SLIT3: variants seen among roughly 807,000 people sequenced by gnomAD.
The protein encoded by SLIT3 is slit homolog 3 protein.
SLIT3 carries 68 observed loss-of-function variants against 184.0 expected under a neutral mutation model. The observed-to-expected ratio is 0.37, with a 90% CI of 0.30 to 0.45. The LOEUF is 0.45. Ranked by LOEUF, SLIT3 falls within the 20% of genes least tolerant of loss-of-function variation. The pLI is 1.00. For missense variants in SLIT3, 1,707 were observed against 2,026.0 expected, an observed-to-expected ratio of 0.84 and a Z score of 3.02; for synonymous variants, 831 against 828.6, an observed-to-expected ratio of 1.00 and a Z score of -0.05.
intron 4 of SLIT3, among the ~76,000 whole-genome samples, chr5:168,894,383 C>T (rs1452739760): frequency 6.6e-6 from 1 of 152,206 alleles, no homozygotes; most frequent in African/African-American, 2.4e-5. Context: ...AATAAGTGAA[C>T]ATGATTTTAT....
At chr5:168,728,277 C>CAT (rs3061738) in intron 20 of SLIT3, among the ~76,000 whole-genome samples, 14,426 of 140,724 alleles carry the variant, frequency 0.1, 835 homozygotes, top group African/African-American at 0.17. Flanking sequence ...TAATCAACAA[C>CAT]ATATATATAT....
intron 3 of SLIT3, among the ~76,000 whole-genome samples, chr5:169,220,623 C>A (rs1050694764): frequency 2.6e-5 from 4 of 152,178 alleles, no homozygotes; most frequent in African/African-American, 4.8e-5. Context: ...GAAAGGGGAA[C>A]CAGAAATTGG....
chr5:168,883,146 C>A (rs1760020057), intron 5 of SLIT3, 119 bp downstream of exon 5: 4 of 716,998 alleles, frequency 5.6e-6, no homozygotes, highest in African/African-American at 1.8e-5. Context: ...TCAAGCACAG[C>A]CCTCAATTTC....
intron 7 of SLIT3, among the ~76,000 whole-genome samples, chr5:168,818,545 G>A (rs1051196022): frequency 2.0e-5 from 3 of 152,198 alleles, no homozygotes; most frequent in Admixed American, 6.5e-5. Context: ...TTTTCATCAC[G>A]TCAGCTTGTC....
At chr5:168,788,391 G>A (rs78597355) in intron 11 of SLIT3, among the ~76,000 whole-genome samples, 9,304 of 152,186 alleles carry the variant, frequency 0.061, 937 homozygotes, top group African/African-American at 0.21. Context: ...CCAGGTGGGG[G>A]GAATATGTGC....
intron 5 of SLIT3, among the ~76,000 whole-genome samples, chr5:168,872,968 T>C (rs1445695666): frequency 2.0e-5 from 3 of 152,196 alleles, no homozygotes; most frequent in East Asian, 1.9e-4. Flanking sequence ...ACAATCTTGA[T>C]GGTCTTCTTG....
chr5:169,030,420 C>T (rs1025421428), intron 4 of SLIT3: 1 of 152,202 alleles, frequency 6.6e-6, no homozygotes, highest in Non-Finnish European at 1.5e-5. Flanking sequence ...GATTTTGTGA[C>T]CTACCAAACT....
At chr5:168,676,238 G>C (rs1177737749) in intron 32 of SLIT3, among the ~76,000 whole-genome samples, 3 of 152,036 alleles carry the variant, frequency 2.0e-5, no homozygotes, top group Non-Finnish European at 4.4e-5. Flanking sequence ...GTCTGCTATG[G>C]GCCACCTCGT....
chr5:169,241,364 T>A lies in SLIT3; in HGVS notation c.341+3341A>T, dbSNP rs558136555. On this transcript the variant is annotated intron_variant, in intron 3 of 35. Transcript: ENST00000519560. ...GATGGTATATGTAAAGTGCCTGACA[T>A]GCTATCTGACATATGATAAAGAGCA... 2.6e-5 allele frequency among the ~76,000 whole-genome samples: 4 copies of A among 152,318 alleles called. No homozygotes were observed. In the South Asian group the frequency reaches 8.3e-4, roughly 32 times the overall value.
intron 4 of SLIT3, among the ~76,000 whole-genome samples, chr5:169,031,961 A>G (rs1757040183): frequency 6.6e-6 from 1 of 152,180 alleles, no homozygotes; most frequent in South Asian, 2.1e-4. Context: ...AAGACTTAGA[A>G]GAGTAAGCAT....
At chr5:169,198,159 T>G (rs567558071) in intron 3 of SLIT3, among the ~76,000 whole-genome samples, 1 of 152,312 alleles carries the variant, frequency 6.6e-6, no homozygotes, top group East Asian at 1.9e-4. Context: ...CATACAAAAA[T>G]GAATAAGATA....
chr5:169,054,719 A>G (rs1757930055), intron 4 of SLIT3, among the ~76,000 whole-genome samples: 1 of 152,214 alleles, frequency 6.6e-6, no homozygotes, highest in Admixed American at 6.5e-5. Flanking sequence ...GGCATGCGGA[A>G]CGACGTCTGC....
chr5:169,006,208 C>G (rs1043711899), intron 4 of SLIT3, among the ~76,000 whole-genome samples: 6 of 152,228 alleles, frequency 3.9e-5, no homozygotes, highest in Non-Finnish European at 8.8e-5. Context: ...ACCAGCCTGG[C>G]CATCCTCTGA....
chr5:168,850,230 C>A (rs532362630), intron 5 of SLIT3, among the ~76,000 whole-genome samples: 3 of 152,210 alleles, frequency 2.0e-5, no homozygotes, highest in Non-Finnish European at 4.4e-5. Context: ...TGCTTCTCAT[C>A]ATTTGAGGGC....
intron 6 of SLIT3, among the ~76,000 whole-genome samples, chr5:168,839,343 C>T (rs1320498399): frequency 6.6e-6 from 1 of 152,072 alleles, no homozygotes; most frequent in African/African-American, 2.4e-5. Context: ...AGCACAGGGG[C>T]CACGTGGGCT....
rs186890539 is a variant in SLIT3, at chr5:168,881,284, C to T, written c.485+1981G>A. ...AACCTTTCAAGTCCTGAGGCCTTTGCGTAGTTAGAGATATTGTAAGAGGGG... is the reference window on the plus strand; with the variant it reads ...AACCTTTCAAGTCCTGAGGCCTTTGTGTAGTTAGAGATATTGTAAGAGGGG... On this transcript the variant is annotated intron_variant, in intron 5 of 35. Transcript: ENST00000519560. Among the ~76,000 whole-genome samples the T allele has an allele frequency of 3.1e-3, 465 of 152,126 alleles. 4 individuals carry two copies. The highest frequency in any genetic ancestry group is 0.011 in the African/African-American group (438 of 41,490).
intron 4 of SLIT3, among the ~76,000 whole-genome samples, chr5:168,931,219 C>T (rs1310069555): frequency 3.3e-5 from 5 of 152,202 alleles, no homozygotes; most frequent in Non-Finnish European, 2.9e-5. Flanking sequence ...AGAGAAAGAA[C>T]GCATTTAATT....
intron 4 of SLIT3, among the ~76,000 whole-genome samples, chr5:169,129,821 GTTTT>G (rs556491428): frequency 2.0e-4 from 30 of 149,708 alleles, no homozygotes; most frequent in East Asian, 7.8e-4. Context: ...TTCTTTGGTG[GTTTT>G]TTTTGTTTGT....
intron 4 of SLIT3, among the ~76,000 whole-genome samples, chr5:168,993,901 G>A (rs1755418427): frequency 6.6e-6 from 1 of 152,208 alleles, no homozygotes; most frequent in African/African-American, 2.4e-5. Context: ...ACAAAACAAA[G>A]GCAAAACACA....
Sources: gnomAD v4.1 joint callset for allele counts (sites outside exome capture counted in the v4.1 genomes callset) on GRCh38, gnomAD v4.1.1 for gene constraint, MANE v1.5 for transcripts, NCBI Gene and HGNC (gene_info 2026-07-23, HGNC 2026-07-21) for gene names.